Variants in TRANK1 observed in about 807,000 individuals in gnomAD.
The protein encoded by TRANK1 is TPR and ankyrin repeat-containing protein 1.
Under a neutral mutation model 266.0 loss-of-function variants are expected in TRANK1, and 198 were observed. The observed-to-expected ratio is 0.74, with a 90% confidence interval of 0.66 to 0.84. The LOEUF (loss-of-function observed/expected upper bound fraction) is 0.84. Among genes scored for constraint, TRANK1 ranks in the 40% least tolerant of loss-of-function variants. The pLI is 0.00. For synonymous variants in TRANK1, 1,396 were observed against 1,384.1 expected (o/e 1.01, Z -0.19); for missense variants, 3,326 against 3,634.6 (o/e 0.92, Z 2.18).
intron 9 of TRANK1, among the ~76,000 whole-genome samples, chr3:36,866,071 A>AGAAAGAAAGAAC (rs1484086262): frequency 2.8e-5 from 4 of 145,212 alleles, no homozygotes; most frequent in Non-Finnish European, 5.9e-5. Context: ...AAAGAAAGAA[A>AGAAAGAAAGAAC]GAAAGAAAGA....
chr3:36,871,768 A>T (rs6775274), intron 9 of TRANK1, among the ~76,000 whole-genome samples: 50,168 of 152,092 alleles, frequency 0.33, 9,283 homozygotes, highest in East Asian at 0.56. Flanking sequence ...AATAAAAATT[A>T]AAACATAAAT....
chr3:36,872,600 A>C (rs1285960799), intron 9 of TRANK1, among the ~76,000 whole-genome samples: 1 of 152,224 alleles, frequency 6.6e-6, no homozygotes, highest in Non-Finnish European at 1.5e-5. Flanking sequence ...ATAATTTTCC[A>C]AATTAAAAAA....
Position 36,857,170 on chromosome 3 carries a change from A to G in TRANK1, c.2552T>C (p.Met851Thr). 2 of 1,613,954 alleles carry G rather than the reference A, an allele frequency of 1.2e-6. No homozygotes were observed. Among genetic ancestry groups the G allele is most frequent in the Non-Finnish European group, 8.5e-7 (1 of 1,179,900 alleles). ...EMLKKLSSKVMTKVIKKKIIL... is the reference protein window; with the variant it reads ...EMLKKLSSKVTTKVIKKKIIL... ...GATTTTCTTCTTGATGACCTTGGTC[A>G]TTACCTTACTAGACAGCTTCTTCAG... Residue 851 changes from methionine (M) to threonine (T), a missense_variant, in exon 13 of 24, where the codon ATG becomes ACG. By Grantham distance (81) the Met-to-Thr change is moderately conservative. Transcript: ENST00000645898. The surrounding 1 kb of genome is among the most constrained non-coding windows in gnomAD (Gnocchi z 4.3).
chr3:36,848,267 T>TG (rs2078941235), intron 15 of TRANK1, among the ~76,000 whole-genome samples: 1 of 152,202 alleles, frequency 6.6e-6, no homozygotes, highest in South Asian at 2.1e-4. Context: ...TATTCTCCTT[T>TG]GGGTTTTTTT....
intron 20 of TRANK1, among the ~76,000 whole-genome samples, chr3:36,836,007 TA>T (rs1482366667): frequency 6.6e-6 from 1 of 151,926 alleles, no homozygotes. Context: ...GACTAACAAA[TA>T]AATAAAAATG....
At chr3:36,899,027 C>A in intron 4 of TRANK1, 82 bp downstream of exon 4, 6 of 1,408,060 alleles carry the variant, frequency 4.3e-6, no homozygotes, top group Non-Finnish European at 5.7e-6. Context: ...CAGAAAGTAT[C>A]TCCCCATGAG....
At chr3:36,872,272 A>G (rs1288414286) in intron 9 of TRANK1, among the ~76,000 whole-genome samples, 1 of 152,170 alleles carries the variant, frequency 6.6e-6, no homozygotes, top group East Asian at 1.9e-4. Context: ...GTGGTGGTAC[A>G]TGCCTGTAAT....
chr3:36,875,194 TC>T (rs1285928064), intron 8 of TRANK1, among the ~76,000 whole-genome samples: 2 of 152,142 alleles, frequency 1.3e-5, no homozygotes, highest in Non-Finnish European at 2.9e-5. Context: ...AGGTCCCAAA[TC>T]AGTTTATCTT....
intron 15 of TRANK1, among the ~76,000 whole-genome samples, chr3:36,847,977 T>C (rs1466330925): frequency 2.0e-5 from 3 of 152,370 alleles, no homozygotes; most frequent in African/African-American, 7.2e-5. Flanking sequence ...CAATGTTTAA[T>C]AGTTGACATT....
At chr3:36,901,162 C>A (rs991142476) in intron 3 of TRANK1, among the ~76,000 whole-genome samples, 15 of 150,244 alleles carry the variant, frequency 1.0e-4, no homozygotes, top group African/African-American at 3.7e-4. Context: ...TAAAATATGC[C>A]ACTTTGGCAT....
chr3:36,878,710 T>C (rs1228182947), intron 8 of TRANK1, among the ~76,000 whole-genome samples: 1 of 149,588 alleles, frequency 6.7e-6, no homozygotes, highest in Non-Finnish European at 1.5e-5. Context: ...AAAACCCCTA[T>C]GACATGCAGT....
At chr3:36,916,803 G>GT (rs533328022) in intron 1 of TRANK1, among the ~76,000 whole-genome samples, 3,897 of 142,364 alleles carry the variant, frequency 0.027, 124 homozygotes, top group African/African-American at 0.074. Flanking sequence ...GGTTTTTTTT[G>GT]TTTTTTTTTT....
chr3:36,907,432 G>A (rs1002638659), intron 2 of TRANK1, among the ~76,000 whole-genome samples: 2 of 149,238 alleles, frequency 1.3e-5, no homozygotes, highest in Non-Finnish European at 3.0e-5. Flanking sequence ...TTACAGGTTT[G>A]AGCCACTCTA....
At chr3:36,897,763 A>G (rs889221014) in intron 4 of TRANK1, among the ~76,000 whole-genome samples, 5 of 152,228 alleles carry the variant, frequency 3.3e-5, no homozygotes, top group Admixed American at 3.3e-4. Context: ...TTAATAGCAC[A>G]TCTTAGTGCA....
At chr3:36,903,615 G>T (rs962003398) in intron 2 of TRANK1, among the ~76,000 whole-genome samples, 20 of 152,220 alleles carry the variant, frequency 1.3e-4, no homozygotes, top group African/African-American at 4.8e-4. Context: ...GCCTGTGCAG[G>T]CCCTGGGAGC....
chr3:36,915,362 C>T (rs2080110442), intron 1 of TRANK1, among the ~76,000 whole-genome samples: 2 of 152,182 alleles, frequency 1.3e-5, no homozygotes, highest in Non-Finnish European at 2.9e-5. Flanking sequence ...TATCCATCAT[C>T]TCAAACATTT....
intron 1 of TRANK1, among the ~76,000 whole-genome samples, chr3:36,942,621 A>C (rs569897679): frequency 6.6e-6 from 1 of 152,092 alleles, no homozygotes; most frequent in East Asian, 1.9e-4. Flanking sequence ...AACCAGAAGC[A>C]TCTGCGGTCT....
chr3:36,831,085 G>T lies in TRANK1; in HGVS notation c.8498C>A (p.Ala2833Asp), dbSNP rs368868501. 2 of 1,613,952 alleles carry T rather than the reference G, an allele frequency of 1.2e-6. No individual in the cohort carries two copies. Among genetic ancestry groups the T allele is most frequent in the Non-Finnish European group, 1.7e-6 (2 of 1,179,888 alleles). ...GAAAAATTCTGAGTATTTCTGGTAG[G>T]CCACTTGCTGCCTCTGGTGGTGTTC... is the stretch of plus-strand genomic sequence containing the variant. ...HLEHHQRQQV[A>D]YQKYSEFFHE... is the part of the protein sequence containing the mutation. Residue 2833 changes from alanine (A) to aspartate (D), a missense_variant, in exon 22 of 24, where the codon GCC (alanine) becomes GAC (aspartate). Transcript: ENST00000645898. This position sits in a 1 kb window ranked among gnomAD's most constrained non-coding sequence, Gnocchi z 5.0.
At chr3:36,834,965 T>C in intron 20 of TRANK1, 58 bp from the exon 21 acceptor site, 1 of 1,450,402 alleles carries the variant, frequency 6.9e-7, no homozygotes, top group Non-Finnish European at 9.3e-7. Context: ...TTTCTAATCT[T>C]AAACCAATAC....
Sources: allele counts gnomAD v4.1 joint callset (sites outside exome capture counted in the v4.1 genomes callset), GRCh38; gene constraint gnomAD v4.1.1; non-coding constraint Gnocchi (gnomAD v3.1); transcripts MANE v1.5; gene names NCBI Gene and HGNC (gene_info 2026-07-23, HGNC 2026-07-21).